Variants in TMEM132B observed in about 807,000 individuals in gnomAD.
TMEM132B encodes the protein transmembrane protein 132B.
In TMEM132B, 18 loss-of-function variants were observed where a neutral mutation model predicts 90.8. That is an observed-to-expected ratio of 0.20 (90% CI 0.14 to 0.29). The LOEUF (loss-of-function observed/expected upper bound fraction) is 0.29, where lower values mean the gene tolerates loss of function less well. Among genes scored for constraint, TMEM132B ranks in the 10% least tolerant of loss-of-function variants. The pLI, the probability that TMEM132B is intolerant of heterozygous loss-of-function variation, is 1.00. For missense variants in TMEM132B, 1,096 were observed against 1,326.8 expected, an observed-to-expected ratio of 0.83 and a Z score of 2.70; for synonymous variants, 504 against 523.3, an observed-to-expected ratio of 0.96 and a Z score of 0.50.
At chr12:125,315,592 G>A (rs758669102) in intron 1 of TMEM132B, among the ~76,000 whole-genome samples, 10 of 152,132 alleles carry the variant, frequency 6.6e-5, no homozygotes, top group African/African-American at 1.7e-4. Flanking sequence ...TGATAGCCCC[G>A]ATGCCGTGGG....
At position 125,453,760 on chromosome 12, in the gene TMEM132B, A is replaced by G. The variant is rs1881217534; in HGVS notation, c.1106+38083A>G. 2.0e-5 allele frequency among the ~76,000 whole-genome samples: 3 copies of G among 152,048 alleles called. No homozygotes were observed. The East Asian group carries it at 5.8e-4, about 29-fold the overall frequency. On this transcript the variant is annotated intron_variant, in intron 3 of 8. Coordinates refer to ENST00000682704, the MANE Select transcript of TMEM132B (RefSeq NM_001366854.1). ...TTCTATTCCTATTCCTCTCTTGGAG[A>G]TTTCCAAACACACATTAGCTTATTA...
At chr12:125,440,633 C>T (rs11058172) in intron 3 of TMEM132B, among the ~76,000 whole-genome samples, 83,530 of 152,050 alleles carry the variant, frequency 0.55, 24,469 homozygotes, top group African/African-American at 0.77. Context: ...ACCAGATTTC[C>T]TGAACTGTTT....
At chr12:125,591,815 C>A (rs1478204494) in intron 5 of TMEM132B, among the ~76,000 whole-genome samples, 1 of 152,140 alleles carries the variant, frequency 6.6e-6, no homozygotes, top group Admixed American at 6.5e-5. Flanking sequence ...CTGTATGACC[C>A]TCTTTTCTTA....
At chr12:125,434,056 A>C (rs929559053) in intron 3 of TMEM132B, among the ~76,000 whole-genome samples, 1 of 152,172 alleles carries the variant, frequency 6.6e-6, no homozygotes, top group Non-Finnish European at 1.5e-5. Flanking sequence ...TCTAAAATAA[A>C]TTTCGCGGGG....
At chr12:125,387,711 TG>T (rs1432695875) in intron 2 of TMEM132B, among the ~76,000 whole-genome samples, 1 of 152,122 alleles carries the variant, frequency 6.6e-6, no homozygotes, top group Non-Finnish European at 1.5e-5. Flanking sequence ...AAATAAGAAA[TG>T]GTGGTGAATT....
chr12:125,352,288 T>C (rs1433831998), intron 2 of TMEM132B, among the ~76,000 whole-genome samples: 1 of 152,272 alleles, frequency 6.6e-6, no homozygotes, highest in Non-Finnish European at 1.5e-5. Context: ...AGACAATTTC[T>C]TTCTCTGCAG....
intron 3 of TMEM132B, among the ~76,000 whole-genome samples, chr12:125,496,413 G>A (rs975662296): frequency 1.3e-5 from 2 of 152,220 alleles, no homozygotes; most frequent in Admixed American, 6.5e-5. Context: ...AGTCACCACA[G>A]TTGAAATTAT....
intron 5 of TMEM132B, among the ~76,000 whole-genome samples, chr12:125,619,836 T>A (rs777973302): frequency 6.6e-6 from 1 of 152,196 alleles, no homozygotes; most frequent in Non-Finnish European, 1.5e-5. Context: ...GAGAGTCAGG[T>A]GACTCATCCC....
intron 4 of TMEM132B, among the ~76,000 whole-genome samples, chr12:125,568,964 C>G (rs1884725931): frequency 6.6e-6 from 1 of 152,164 alleles, no homozygotes. Context: ...ACCCAGTTCT[C>G]TGGGGCAGCG....
intron 4 of TMEM132B, among the ~76,000 whole-genome samples, chr12:125,545,852 A>G (rs1403641208): frequency 6.6e-6 from 1 of 152,210 alleles, no homozygotes; most frequent in East Asian, 1.9e-4. Context: ...GCAGGAGTCC[A>G]TGGGTGACTT....
chr12:125,513,113 C>G (rs1883023538), intron 3 of TMEM132B, among the ~76,000 whole-genome samples: 1 of 152,236 alleles, frequency 6.6e-6, no homozygotes. Context: ...GCCTGCCTGC[C>G]TACGCAGGTC....
intron 1 of TMEM132B, among the ~76,000 whole-genome samples, chr12:125,216,832 T>C (rs1326979256): frequency 6.6e-6 from 1 of 152,124 alleles, no homozygotes; most frequent in African/African-American, 2.4e-5. Flanking sequence ...GGGGCTCGGG[T>C]GGGTCCACGG....
chr12:125,265,645 C>T (rs1037261304), intron 1 of TMEM132B, among the ~76,000 whole-genome samples: 2 of 152,196 alleles, frequency 1.3e-5, no homozygotes, highest in Non-Finnish European at 2.9e-5. Context: ...CCTCTGCAAT[C>T]TGCACCTAAT....
At chr12:125,414,159 G>T (rs1879939219) in intron 2 of TMEM132B, among the ~76,000 whole-genome samples, 1 of 152,184 alleles carries the variant, frequency 6.6e-6, no homozygotes, top group African/African-American at 2.4e-5. Flanking sequence ...GTCTAGTCAA[G>T]ACCTTTGCTG....
At chr12:125,340,630 G>A (rs1442269479) in intron 1 of TMEM132B, among the ~76,000 whole-genome samples, 2 of 152,196 alleles carry the variant, frequency 1.3e-5, no homozygotes, top group Admixed American at 6.5e-5. Context: ...GCCTCAGAAT[G>A]TAATCTCAAG....
intron 3 of TMEM132B, among the ~76,000 whole-genome samples, chr12:125,512,198 C>T (rs758787959): frequency 1.3e-5 from 2 of 152,164 alleles, no homozygotes; most frequent in South Asian, 2.1e-4. Flanking sequence ...TAAAGTGGCT[C>T]AGGCCTATTG....
At chr12:125,405,169 C>T (rs1319277775) in intron 2 of TMEM132B, among the ~76,000 whole-genome samples, 2 of 152,214 alleles carry the variant, frequency 1.3e-5, no homozygotes, top group Admixed American at 1.3e-4. Context: ...AGCCCAAAAT[C>T]AAGATGTCCG....
intron 1 of TMEM132B, among the ~76,000 whole-genome samples, chr12:125,238,385 AAC>A (rs1873989094): frequency 2.5e-4 from 37 of 146,108 alleles, no homozygotes; most frequent in South Asian, 4.3e-4. Flanking sequence ...AACAAAAAAA[AAC>A]CAAAAAAACA....
intron 3 of TMEM132B, among the ~76,000 whole-genome samples, chr12:125,453,288 T>C (rs202197809): frequency 6.6e-6 from 1 of 152,160 alleles, no homozygotes; most frequent in Non-Finnish European, 1.5e-5. Flanking sequence ...TCCTTCTAGT[T>C]TTTTTCTCTA....
Sources: allele counts gnomAD v4.1 joint callset (sites outside exome capture counted in the v4.1 genomes callset), GRCh38; gene constraint gnomAD v4.1.1; transcripts MANE v1.5; gene names NCBI Gene and HGNC (gene_info 2026-07-23, HGNC 2026-07-21).